TSHZ2: variants seen among roughly 807,000 people sequenced by gnomAD.
The protein encoded by TSHZ2 is teashirt zinc finger homeobox 2, also known as teashirt homolog 2.
Under a neutral mutation model 74.4 loss-of-function variants are expected in TSHZ2, and 21 were observed. The observed-to-expected ratio is 0.28, with a 90% CI of 0.20 to 0.41. The LOEUF (loss-of-function observed/expected upper bound fraction) is 0.41. Ranked by LOEUF, TSHZ2 falls within the 10% of genes least tolerant of loss-of-function variation. TSHZ2 has a pLI of 1.00. For synonymous variants in TSHZ2, 540 were observed against 515.3 expected, an observed-to-expected ratio of 1.05 and a Z score of -0.65; for missense variants, 1,244 against 1,293.5, an observed-to-expected ratio of 0.96 and a Z score of 0.59.
intron 1 of TSHZ2, among the ~76,000 whole-genome samples, chr20:53,005,682 C>T (rs1270635308): frequency 6.6e-6 from 1 of 152,182 alleles, no homozygotes; most frequent in Non-Finnish European, 1.5e-5. Flanking sequence ...TCTGGAGTGA[C>T]TGTGACATCT....
At chr20:53,053,972 G>A (rs538780347) in intron 1 of TSHZ2, among the ~76,000 whole-genome samples, 73 of 152,240 alleles carry the variant, frequency 4.8e-4, no homozygotes, top group Middle Eastern at 3.4e-3. Flanking sequence ...TCTTGACCAC[G>A]TATCCAATAA....
chr20:52,993,795 A>T (rs1049526749), intron 1 of TSHZ2, among the ~76,000 whole-genome samples: 1 of 152,242 alleles, frequency 6.6e-6, no homozygotes, highest in African/African-American at 2.4e-5. Flanking sequence ...CACTTGTGAC[A>T]CATAGTACAC....
chr20:53,414,697 A>G (rs1464217760), intron 2 of TSHZ2, among the ~76,000 whole-genome samples: 3 of 152,190 alleles, frequency 2.0e-5, no homozygotes, highest in Non-Finnish European at 4.4e-5. Context: ...GAAAAGAACA[A>G]GCCAGGACTA....
chr20:53,387,862 C>T (rs1235017688), intron 2 of TSHZ2, among the ~76,000 whole-genome samples: 1 of 152,142 alleles, frequency 6.6e-6, no homozygotes. Flanking sequence ...GCCTGGGCAA[C>T]ATGGTGAAAC....
intron 1 of TSHZ2, among the ~76,000 whole-genome samples, chr20:53,003,520 A>C (rs1982522806): frequency 6.6e-6 from 1 of 152,176 alleles, no homozygotes; most frequent in African/African-American, 2.4e-5. Flanking sequence ...CCTATGGAGA[A>C]ATAAGCCTTC....
chr20:53,300,750 G>C (rs752702870), intron 2 of TSHZ2, among the ~76,000 whole-genome samples: 1 of 152,132 alleles, frequency 6.6e-6, no homozygotes, highest in Non-Finnish European at 1.5e-5. Context: ...ATATGTTTCT[G>C]AGAATCTAAC....
At chr20:53,257,592 T>A (rs1458240747) in intron 2 of TSHZ2, among the ~76,000 whole-genome samples, 2 of 152,180 alleles carry the variant, frequency 1.3e-5, no homozygotes, top group Admixed American at 1.3e-4. Flanking sequence ...TCTTAACCAA[T>A]CTCTTTCATT....
At chr20:53,265,516 CCTA>C (rs1381614856) in intron 2 of TSHZ2, among the ~76,000 whole-genome samples, 2 of 152,194 alleles carry the variant, frequency 1.3e-5, no homozygotes, top group Admixed American at 1.3e-4. Context: ...GCAGCGTTAA[CCTA>C]CTCCGTGGGG....
chr20:53,040,551 C>A (rs1327724233), intron 1 of TSHZ2, among the ~76,000 whole-genome samples: 8 of 152,098 alleles, frequency 5.3e-5, no homozygotes, highest in Admixed American at 5.2e-4. Flanking sequence ...GTGCAGTTTG[C>A]TCCCACCCCG....
intron 2 of TSHZ2, among the ~76,000 whole-genome samples, chr20:53,416,781 T>A (rs1983268998): frequency 6.6e-6 from 1 of 152,222 alleles, no homozygotes; most frequent in African/African-American, 2.4e-5. Context: ...CTTCTTTTCG[T>A]CACATAGAGA....
At chr20:53,328,043 C>A (rs535670403) in intron 2 of TSHZ2, among the ~76,000 whole-genome samples, 1 of 152,230 alleles carries the variant, frequency 6.6e-6, no homozygotes, top group South Asian at 2.1e-4. Flanking sequence ...CAAAGTGAAG[C>A]CTTGGGAGTC....
intron 2 of TSHZ2, among the ~76,000 whole-genome samples, chr20:53,475,684 C>T (rs1377129626): frequency 7.3e-6 from 1 of 137,370 alleles, no homozygotes; most frequent in Non-Finnish European, 1.6e-5. Flanking sequence ...GAAATAGAGA[C>T]ACAAAAAACC....
intron 2 of TSHZ2, among the ~76,000 whole-genome samples, chr20:53,483,969 A>G (rs751582882): frequency 5.4e-4 from 82 of 152,350 alleles, no homozygotes; most frequent in Non-Finnish European, 9.6e-4. Context: ...GACAGCCTGC[A>G]GTAGGCCTGG....
intron 1 of TSHZ2, among the ~76,000 whole-genome samples, chr20:53,057,937 G>A (rs934054872): frequency 6.6e-6 from 1 of 152,156 alleles, no homozygotes; most frequent in Non-Finnish European, 1.5e-5. Flanking sequence ...GTCTTAGATC[G>A]GTGGTCCCCA....
intron 1 of TSHZ2, among the ~76,000 whole-genome samples, chr20:53,043,008 T>C (rs1984099682): frequency 6.6e-6 from 1 of 152,232 alleles, no homozygotes; most frequent in Non-Finnish European, 1.5e-5. Context: ...TTTCTTAAAG[T>C]AGGCAGAACC....
chr20:53,178,732 A>G (rs1197300024), intron 1 of TSHZ2: 1 of 152,248 alleles, frequency 6.6e-6, no homozygotes, highest in African/African-American at 2.4e-5. Context: ...TTATAAGAAG[A>G]TAGAGTAAAA....
chr20:53,150,876 A>G (rs1327653339), intron 1 of TSHZ2, among the ~76,000 whole-genome samples: 3 of 152,332 alleles, frequency 2.0e-5, no homozygotes, highest in Non-Finnish European at 4.4e-5. Flanking sequence ...TGGCTTAGGT[A>G]TACTTACGTG....
At chr20:53,154,937 C>T (rs1196110898) in intron 1 of TSHZ2, among the ~76,000 whole-genome samples, 2 of 151,560 alleles carry the variant, frequency 1.3e-5, no homozygotes, top group African/African-American at 2.4e-5. Context: ...GAAATTATGA[C>T]ATCTAAATAT....
chr20:53,237,541 ATTTC>A (rs1371025525), intron 1 of TSHZ2, among the ~76,000 whole-genome samples: 1 of 151,460 alleles, frequency 6.6e-6, no homozygotes. Flanking sequence ...GTGCATCTGA[ATTTC>A]TTTCTTCTAC....
Sources: allele counts gnomAD v4.1 joint callset (sites outside exome capture counted in the v4.1 genomes callset), GRCh38; gene constraint gnomAD v4.1.1; transcripts MANE v1.5; gene names NCBI Gene and HGNC (gene_info 2026-07-23, HGNC 2026-07-21).